The following SOX6 variants were observed in gnomAD, a reference collection of about 807,000 sequenced individuals.
SOX6 encodes the protein SRY-box transcription factor 6.
Under a neutral mutation model 97.8 loss-of-function variants are expected in SOX6, and 11 were observed. The observed-to-expected ratio is 0.11, with a 90% CI of 0.07 to 0.19. The LOEUF is 0.19. Ranked by LOEUF, SOX6 falls within the 10% of genes least tolerant of loss-of-function variation. The pLI, the probability that SOX6 is intolerant of heterozygous loss-of-function variation, is 1.00. For synonymous variants in SOX6, 360 were observed against 371.4 expected (o/e 0.97, Z 0.35); for missense variants, 810 against 1,039.5 (o/e 0.78, Z 3.04).
rs182346557 is a variant in SOX6, at chr11:16,544,313, G to A, written n.609+67768C>T. Among the ~76,000 whole-genome samples the A allele has an allele frequency of 3.9e-3, 599 of 152,204 alleles. 3 individuals are homozygous for A. The highest frequency in any genetic ancestry group is 0.014 in the African/African-American group (575 of 41,530). On this transcript the variant is annotated intron_variant and non_coding_transcript_variant, in intron 4 of 5. Coordinates refer to the SOX6 transcript ENST00000524520. The stretch of plus-strand genomic sequence containing the variant: ...CTTGCTCTGTCTCCCAGGCTAGAGC[G>A]CAGTGGCATTATCACAGCTCAGTAC...
chr11:16,478,781 A>C (rs1437164888), upstream of SOX6, among the ~76,000 whole-genome samples: 2 of 152,236 alleles, frequency 1.3e-5, no homozygotes, highest in South Asian at 4.1e-4. Flanking sequence ...CTTTTTAAGA[A>C]CTAGAAAAGT....
chr11:16,637,373 A>G (rs1207791312), intron 3 of SOX6, among the ~76,000 whole-genome samples: 3 of 152,044 alleles, frequency 2.0e-5, no homozygotes, highest in Non-Finnish European at 4.4e-5. Flanking sequence ...GGCGTGCACT[A>G]CCATGCCCAG....
intron 2 of SOX6, among the ~76,000 whole-genome samples, chr11:16,722,214 T>C (rs184702226): frequency 6.6e-6 from 1 of 152,154 alleles, no homozygotes; most frequent in African/African-American, 2.4e-5. Context: ...AAAAAAACTA[T>C]ATCAATAGAA....
At chr11:16,464,146 C>T (rs1429026543) in intron 1 of SOX6, among the ~76,000 whole-genome samples, 1 of 152,076 alleles carries the variant, frequency 6.6e-6, no homozygotes, top group Non-Finnish European at 1.5e-5. Context: ...TTCAGTAAGC[C>T]TTAAAATTTC....
At chr11:16,518,260 A>G (rs1436528868) in intron 4 of SOX6, among the ~76,000 whole-genome samples, 2 of 152,108 alleles carry the variant, frequency 1.3e-5, no homozygotes, top group Non-Finnish European at 2.9e-5. Flanking sequence ...CCCTCCCTTC[A>G]GGGCTTTATT....
intron 12 of SOX6, among the ~76,000 whole-genome samples, chr11:16,024,529 T>C (rs1259970924): frequency 1.3e-5 from 2 of 151,396 alleles, no homozygotes; most frequent in African/African-American, 4.9e-5. Context: ...TATTTATCTA[T>C]GATTCTTCAA....
intron 4 of SOX6, among the ~76,000 whole-genome samples, chr11:16,522,363 T>C (rs1489861075): frequency 1.3e-5 from 2 of 152,034 alleles, no homozygotes; most frequent in Non-Finnish European, 2.9e-5. Context: ...ACCCAGAATT[T>C]CATATCCAGC....
intron 3 of SOX6, among the ~76,000 whole-genome samples, chr11:16,679,804 G>T (rs558943047): frequency 6.6e-6 from 1 of 152,136 alleles, no homozygotes; most frequent in Non-Finnish European, 1.5e-5. Context: ...CAAGAACTTC[G>T]TGACACATGC....
intron 11 of SOX6, among the ~76,000 whole-genome samples, chr11:16,048,375 A>G (rs1847595266): frequency 6.6e-6 from 1 of 152,198 alleles, no homozygotes; most frequent in South Asian, 2.1e-4. Context: ...ATATTCCAAA[A>G]TTCATTGAGG....
At chr11:16,144,830 A>G (rs1589971153) in intron 6 of SOX6, among the ~76,000 whole-genome samples, 3 of 152,314 alleles carry the variant, frequency 2.0e-5, no homozygotes, top group African/African-American at 7.2e-5. Context: ...TAGACCAATA[A>G]CAGGCTCTGA....
At chr11:16,267,472 C>A (rs1444655822) in intron 3 of SOX6, among the ~76,000 whole-genome samples, 2 of 151,500 alleles carry the variant, frequency 1.3e-5, no homozygotes, top group East Asian at 1.9e-4. Flanking sequence ...AAGGGAGATG[C>A]AAATCAAAAT....
At chr11:16,580,860 G>A (rs1848026524) in intron 4 of SOX6, among the ~76,000 whole-genome samples, 1 of 152,102 alleles carries the variant, frequency 6.6e-6, no homozygotes, top group Admixed American at 6.5e-5. Flanking sequence ...CAACGTCACT[G>A]ATCATTAGAG....
At chr11:16,317,038 A>G (rs1855774760) in intron 3 of SOX6, 1 of 152,026 alleles carries the variant, frequency 6.6e-6, no homozygotes. Flanking sequence ...TAAGCAAGAA[A>G]TAATAGCCTG....
At chr11:16,492,856 A>G (rs1860533453) in intron 4 of SOX6, among the ~76,000 whole-genome samples, 1 of 152,248 alleles carries the variant, frequency 6.6e-6, no homozygotes, top group African/African-American at 2.4e-5. Context: ...ATGGCCAATA[A>G]ACATCAAAAT....
chr11:16,116,079 G>C (rs1159301270), intron 6 of SOX6, among the ~76,000 whole-genome samples: 1 of 152,074 alleles, frequency 6.6e-6, no homozygotes, highest in Admixed American at 6.5e-5. Context: ...AAAACTCCAA[G>C]TGCCCTTTAT....
intron 4 of SOX6, among the ~76,000 whole-genome samples, chr11:16,581,244 C>T (rs1357935829): frequency 6.6e-6 from 1 of 152,166 alleles, no homozygotes; most frequent in Non-Finnish European, 1.5e-5. Context: ...GGTACACATA[C>T]ACCATGGAAT....
intron 3 of SOX6, among the ~76,000 whole-genome samples, chr11:16,663,399 T>C (rs2134020272): frequency 1.3e-5 from 2 of 152,308 alleles, no homozygotes; most frequent in Middle Eastern, 6.8e-3. Context: ...ACAAACTCAC[T>C]GCAACATCAA....
rs1848228544 is a variant in SOX6 at position 16,717,698 on chromosome 11, A to T, written n.354-2793T>A. Among the ~76,000 whole-genome samples the T allele has an allele frequency of 2.0e-5, 3 of 152,280 alleles. No homozygotes were observed. In the South Asian group the frequency reaches 6.2e-4, roughly 32 times the overall value. On this transcript the variant is annotated intron_variant and non_coding_transcript_variant, in intron 2 of 5. Transcript: ENST00000524520. ...CTACCCTCTTTCTCTTACTTTTTGC[A>T]GCTTGTTTGTAAACAAGTTTAGCAG...
At chr11:16,120,156 C>T (rs1394159426) in intron 6 of SOX6, among the ~76,000 whole-genome samples, 1 of 132,588 alleles carries the variant, frequency 7.5e-6, no homozygotes, top group Non-Finnish European at 1.6e-5. Flanking sequence ...TCTCTCTCTT[C>T]CCTCCCCCTC....
Sources: allele counts gnomAD v4.1 joint callset (sites outside exome capture counted in the v4.1 genomes callset), GRCh38; gene constraint gnomAD v4.1.1; transcripts MANE v1.5; gene names NCBI Gene and HGNC (gene_info 2026-07-23, HGNC 2026-07-21).